SLC10A7: variants seen among roughly 807,000 people sequenced by gnomAD.
The protein encoded by SLC10A7 is sodium/bile acid cotransporter 7.
A neutral mutation model predicts 43.2 loss-of-function variants in SLC10A7; 29 were observed. That is an observed-to-expected ratio of 0.67 (90% CI 0.50 to 0.92). The LOEUF is 0.92. Among genes scored for constraint, SLC10A7 ranks in the 40% least tolerant of loss-of-function variants. The pLI is 0.00. For synonymous variants in SLC10A7, 152 were observed against 144.8 expected (o/e 1.05, Z -0.35); for missense variants, 295 against 403.2 (o/e 0.73, Z 2.30).
chr4:146,450,237 A>T (rs1211027156), intron 4 of SLC10A7, among the ~76,000 whole-genome samples: 1 of 152,186 alleles, frequency 6.6e-6, no homozygotes, highest in Non-Finnish European at 1.5e-5. Flanking sequence ...CTGAATGTGT[A>T]CATACTTTTT....
At chr4:146,450,671 A>G (rs1044289531) in intron 4 of SLC10A7, among the ~76,000 whole-genome samples, 2 of 152,192 alleles carry the variant, frequency 1.3e-5, no homozygotes, top group African/African-American at 2.4e-5. Context: ...CTCTACTTAC[A>G]AATTTAAGAA....
At chr4:146,324,764 CA>C (rs1205132973) in intron 6 of SLC10A7, among the ~76,000 whole-genome samples, 1 of 152,034 alleles carries the variant, frequency 6.6e-6, no homozygotes, top group African/African-American at 2.4e-5. Context: ...TCTTTTCTTC[CA>C]AATTAATGCA....
At chr4:146,514,048 C>A (rs1000034741) in intron 2 of SLC10A7, 2 of 152,146 alleles carry the variant, frequency 1.3e-5, no homozygotes, top group Non-Finnish European at 2.9e-5. Flanking sequence ...CTAATTGGGA[C>A]GTAGAAATAT....
intron 2 of SLC10A7, among the ~76,000 whole-genome samples, chr4:146,515,965 C>T (rs1361727058): frequency 6.7e-6 from 1 of 148,292 alleles, no homozygotes; most frequent in Non-Finnish European, 1.5e-5. Context: ...CAACCGATGG[C>T]TACAGAATAC....
At chr4:146,389,497 G>C (rs1738260518) in intron 5 of SLC10A7, among the ~76,000 whole-genome samples, 1 of 152,134 alleles carries the variant, frequency 6.6e-6, no homozygotes, top group South Asian at 2.1e-4. Context: ...AGAAATAAAT[G>C]TTTTTGTTAA....
chr4:146,297,043 A>C (rs959112631), intron 7 of SLC10A7, among the ~76,000 whole-genome samples: 3 of 152,150 alleles, frequency 2.0e-5, no homozygotes, highest in African/African-American at 7.2e-5. Flanking sequence ...ATGCCTCAGA[A>C]TTCTCTCTTG....
At chr4:146,420,044 C>T (rs940572886) in intron 5 of SLC10A7, among the ~76,000 whole-genome samples, 2 of 151,610 alleles carry the variant, frequency 1.3e-5, no homozygotes, top group Non-Finnish European at 1.5e-5. Flanking sequence ...GAGGACTGGC[C>T]GTATAGAATT....
chr4:146,286,449 T>G, intron 9 of SLC10A7, among the ~76,000 whole-genome samples: 6 of 138,800 alleles, frequency 4.3e-5, no homozygotes, highest in South Asian at 2.4e-4. Context: ...TCTGGAGTGG[T>G]GAGAAGGACT....
rs566093288 is a variant in SLC10A7 at position 146,515,895 on chromosome 4, G to A, written c.183+1143C>T. On this transcript the variant is annotated intron_variant, in intron 2 of 11. Coordinates refer to ENST00000335472, the MANE Select transcript of SLC10A7 (RefSeq NM_001029998.6). ...ACTGCCCTCCAGCCTGGGCAACAGA[G>A]TGAGATTCCATCTCAAAAAAAAAAA... is the stretch of plus-strand genomic sequence containing the variant. Among the ~76,000 whole-genome samples, 146 of 107,130 alleles carry A rather than the reference G, an allele frequency of 1.4e-3. No individual in the cohort carries two copies. In the Middle Eastern group the frequency reaches 0.035, roughly 26 times the overall value. The allele number at this position is 107,130 out of a possible 152,430, so 70.3% of individuals were successfully genotyped here.
rs183494053 is a variant in SLC10A7 at position 146,325,849 on chromosome 4, T to C, written c.471+112A>G. 1.0e-5 allele frequency: 10 copies of C among 971,104 alleles called. No individual in the cohort carries two copies. The East Asian group carries it at 2.4e-4, about 23-fold the overall frequency. The allele number at this position is 971,104 out of a possible 1,614,324, so 60.2% of individuals were successfully genotyped here. A position where few individuals can be genotyped will look rare whatever the true frequency, so the allele number is the denominator to read the frequency against. The stretch of plus-strand genomic sequence containing the variant: ...GGTACAGCTAAACTGGAACAACAAT[T>C]CCAAATATGGTGCAAAATAATTCAA... On this transcript the variant is annotated intron_variant, in intron 6 of 11. Coordinates refer to ENST00000335472, the MANE Select transcript of SLC10A7 (RefSeq NM_001029998.6).
intron 5 of SLC10A7, among the ~76,000 whole-genome samples, chr4:146,346,818 T>C (rs1003605276): frequency 2.0e-5 from 3 of 152,148 alleles, no homozygotes; most frequent in Non-Finnish European, 4.4e-5. Context: ...CATATCATTA[T>C]TTTTATGTTT....
At chr4:146,422,891 C>G (rs761262663) in intron 5 of SLC10A7, among the ~76,000 whole-genome samples, 4 of 152,106 alleles carry the variant, frequency 2.6e-5, no homozygotes, top group African/African-American at 7.2e-5. Context: ...TTTAGCCAAT[C>G]TTTACATGTC....
At chr4:146,496,738 C>A (rs2150016813) in intron 4 of SLC10A7, among the ~76,000 whole-genome samples, 1 of 152,288 alleles carries the variant, frequency 6.6e-6, no homozygotes, top group African/African-American at 2.4e-5. Flanking sequence ...GTCTACATTT[C>A]TGAAATCACC....
At position 146,283,269 on chromosome 4, in the gene SLC10A7, G is replaced by C. The variant is rs966988443; in HGVS notation, c.774-4C>G. The C allele has an allele frequency of 6.8e-6, 11 of 1,612,184 alleles. No homozygotes were observed. Among genetic ancestry groups the C allele is most frequent in the Non-Finnish European group, 9.3e-6 (11 of 1,178,984 alleles). On this transcript the variant is annotated splice_polypyrimidine_tract_variant and splice_region_variant and intron_variant, in intron 9 of 11. Coordinates refer to ENST00000335472, the MANE Select transcript of SLC10A7 (RefSeq NM_001029998.6). The stretch of plus-strand genomic sequence containing the variant: ...TGGTGTGAAACCCGAATTATTCCTA[G>C]GGGCAAAAAAAGATTTTGACAAATA...
chr4:146,420,962 G>T (rs1579142405), intron 5 of SLC10A7, among the ~76,000 whole-genome samples: 5 of 152,098 alleles, frequency 3.3e-5, no homozygotes, highest in Admixed American at 2.6e-4. Flanking sequence ...TGGAGGTTGA[G>T]GCTGCAGTGA....
rs1422231000 is a variant in SLC10A7, at chr4:146,328,077, C to T, written c.436-2081G>A. On this transcript the variant is annotated intron_variant, in intron 5 of 11. Transcript: ENST00000335472. ...GGCGCCTGTGCACACCATTGGGAGG[C>T]CTCAAGAGAAGCCCACCCTGCCTGT... Among the ~76,000 whole-genome samples, 4 of 152,182 alleles carry T rather than the reference C, an allele frequency of 2.6e-5. No homozygotes were observed. In the East Asian group the frequency reaches 7.7e-4, roughly 29 times the overall value.
chr4:146,432,701 A>T (rs937901007), intron 5 of SLC10A7, among the ~76,000 whole-genome samples: 5 of 152,186 alleles, frequency 3.3e-5, no homozygotes, highest in Non-Finnish European at 7.3e-5. Context: ...GTCAAAACTG[A>T]CAGGACTATA....
At chr4:146,362,148 C>T (rs1276720135) in intron 5 of SLC10A7, among the ~76,000 whole-genome samples, 1 of 152,078 alleles carries the variant, frequency 6.6e-6, no homozygotes, top group African/African-American at 2.4e-5. Context: ...CCTTAAGAGG[C>T]TGTAGAGAAA....
intron 5 of SLC10A7, among the ~76,000 whole-genome samples, chr4:146,400,191 G>A (rs1739131538): frequency 6.6e-6 from 1 of 152,166 alleles, no homozygotes; most frequent in Non-Finnish European, 1.5e-5. Flanking sequence ...CTACTGCCAA[G>A]TGTTTTTGTA....
Sources: allele counts gnomAD v4.1 joint callset (sites outside exome capture counted in the v4.1 genomes callset), GRCh38; gene constraint gnomAD v4.1.1; transcripts MANE v1.5; gene names NCBI Gene and HGNC (gene_info 2026-07-23, HGNC 2026-07-21).